Variants in DBI observed in about 807,000 individuals in gnomAD.
DBI encodes acyl-CoA-binding protein.
Under a neutral mutation model 13.0 loss-of-function variants are expected in DBI, and 12 were observed. That is an observed-to-expected ratio of 0.92 (90% CI 0.59 to 1.49). DBI has a LOEUF of 1.49. Ranked by LOEUF, DBI falls within the 40% of genes most tolerant of loss-of-function variation. The pLI is 0.00. For missense variants in DBI, 95 were observed against 104.8 expected (o/e 0.91, Z 0.41); for synonymous variants, 37 against 37.4 (o/e 0.99, Z 0.04).
In DBI at chr2:119,367,164, C is replaced by G. The variant is rs963191002; in HGVS notation, c.9+104C>G. 7.1e-6 allele frequency: 11 copies of G among 1,551,242 alleles called. No homozygotes were observed. In the African/African-American group the frequency reaches 1.4e-4, roughly 19 times the overall value. ...TCTCGGGCTCTTTCCTTCCGTGCCC[C>G]TCACTTGCTCATGGGCCCATGCCTA... On this transcript the variant is annotated intron_variant, in intron 1 of 3. Transcript: ENST00000355857.
At chr2:119,367,825 C>T (rs1255843080) in intron 1 of DBI, 2 of 1,612,774 alleles carry the variant, frequency 1.2e-6, no homozygotes, top group East Asian at 4.5e-5. Flanking sequence ...CCGGTGGTGG[C>T]CAGGCAGTTG....
chr2:119,367,720 G>A lies in DBI; in HGVS notation c.10-468G>A, dbSNP rs771495324. The A allele has an allele frequency of 3.1e-6, 5 of 1,609,922 alleles. No homozygotes were observed. In the African/African-American group the frequency reaches 6.7e-5, roughly 22 times the overall value. On this transcript the variant is annotated intron_variant, in intron 1 of 3. Coordinates refer to ENST00000355857, the MANE Select transcript of DBI (RefSeq NM_001079862.4). ...CCGGCGCTGACACCGCGGCACTCATGCCCTGTCCCCTTTCAGCTGTTTCCA... is the reference window on the plus strand; with the variant it reads ...CCGGCGCTGACACCGCGGCACTCATACCCTGTCCCCTTTCAGCTGTTTCCA...
In DBI at chr2:119,368,265, T is replaced by C. The variant is rs1030303472; in HGVS notation, c.87T>C (p.Tyr29=). Residue 29 remains tyrosine, a synonymous_variant, in exon 2 of 4, where the codon TAT becomes TAC. Transcript: ENST00000355857. ...KPSDEEMLFI[Y]GHYKQATVGD... ...CGGATGAGGAGATGCTGTTCATCTA[T>C]GGCCACTACAAACAAGCAACTGTGG... 1 of 1,614,038 alleles carries C rather than the reference T, an allele frequency of 6.2e-7. No homozygotes were observed. The highest frequency in any genetic ancestry group is 8.5e-7 in the Non-Finnish European group (1 of 1,180,016).
Position 119,372,505 on chromosome 2 carries a change from T to C in DBI, c.*187T>C. ...ATTACTGACTTTCCTTGAGTAGTTTTTATCTGAAATCAATTAAAAGTGTAT... is the reference window on the plus strand; with the variant it reads ...ATTACTGACTTTCCTTGAGTAGTTTCTATCTGAAATCAATTAAAAGTGTAT... On this transcript the variant is annotated 3_prime_UTR_variant, in exon 4 of 4. Coordinates refer to ENST00000355857, the MANE Select transcript of DBI (RefSeq NM_001079862.4). 2.0e-6 allele frequency: 1 copy of C among 502,570 alleles called. No homozygotes were observed. The highest frequency in any genetic ancestry group is 3.6e-6 in the Non-Finnish European group (1 of 278,444). The allele number at this position is 502,570 out of a possible 1,614,324, so 31.1% of individuals were successfully genotyped here. A position where few individuals can be genotyped will look rare whatever the true frequency, so the allele number is the denominator to read the frequency against.
chr2:119,367,254 G>T, intron 1 of DBI, 194 bp downstream of exon 1: 1 of 1,437,018 alleles, frequency 7.0e-7, no homozygotes, highest in South Asian at 1.5e-5. Context: ...TAAATCTGCT[G>T]CCCACCCCGC....
chr2:119,366,986 T>C lies in DBI; in HGVS notation c.-66T>C. 2 of 1,608,092 alleles carry C rather than the reference T, an allele frequency of 1.2e-6. No homozygotes were observed. The highest frequency in any genetic ancestry group is 1.7e-6 in the Non-Finnish European group (2 of 1,175,354). ...TCTAAAGGCGCTTGCCAGTGCAATC[T>C]GGGCGATCGCTTCCTGGTCCTCGCC... On this transcript the variant is annotated 5_prime_UTR_variant, in exon 1 of 4. Transcript: ENST00000355857.
rs113207893 is a variant in DBI at position 119,372,426 on chromosome 2, C to T, written c.*108C>T. ...GAATTCGGGAAAATAACCAGTTAAA[C>T]CAGCTACTCAAGGCTGCTCACCATA... On this transcript the variant is annotated 3_prime_UTR_variant, in exon 4 of 4. Transcript: ENST00000355857. 1.6e-5 allele frequency: 13 copies of T among 834,658 alleles called. 1 individual carries two copies. In the African/African-American group the frequency reaches 1.7e-4, roughly 11 times the overall value. 51.7% of individuals were successfully genotyped at this position (834,658 alleles called of 1,614,324 possible). A position where few individuals can be genotyped will look rare whatever the true frequency, so the allele number is the denominator to read the frequency against.
At chr2:119,371,914 A>G (rs1450020596) in intron 3 of DBI, among the ~76,000 whole-genome samples, 2 of 152,220 alleles carry the variant, frequency 1.3e-5, no homozygotes, top group African/African-American at 4.8e-5. Flanking sequence ...AGTCACCACG[A>G]TGACAGTTTC....
chr2:119,368,011 T>A, intron 1 of DBI, 177 bp from the exon 2 acceptor site: 1 of 1,601,648 alleles, frequency 6.2e-7, no homozygotes, highest in Non-Finnish European at 8.6e-7. Flanking sequence ...TGAATCTTTC[T>A]AGCTGCCCTG....
chr2:119,372,166 G>C (rs1246014085), intron 3 of DBI, 79 bp from the exon 4 acceptor site: 1 of 1,014,462 alleles, frequency 9.9e-7, no homozygotes, highest in Non-Finnish European at 1.6e-6. Flanking sequence ...AGTTACAGCA[G>C]AGCTGCCTGG....
rs1681068626 is a variant in DBI, at chr2:119,367,179, G to A, written c.9+119G>A. 6 of 1,521,254 alleles carry A rather than the reference G, an allele frequency of 3.9e-6. No homozygotes were observed. In the South Asian group the frequency reaches 6.3e-5, roughly 16 times the overall value. The allele number at this position is 1,521,254 out of a possible 1,614,324, so 94.2% of individuals were successfully genotyped here. On this transcript the variant is annotated intron_variant, in intron 1 of 3. Coordinates refer to ENST00000355857, the MANE Select transcript of DBI (RefSeq NM_001079862.4). ...TTCCGTGCCCCTCACTTGCTCATGGGCCCATGCCTAGCCCTGATTCGTTGG... is the reference window on the plus strand; with the variant it reads ...TTCCGTGCCCCTCACTTGCTCATGGACCCATGCCTAGCCCTGATTCGTTGG...
At chr2:119,367,339 G>A (rs1681087652) in intron 1 of DBI, 2 of 1,439,082 alleles carry the variant, frequency 1.4e-6, no homozygotes, top group Non-Finnish European at 1.8e-6. Flanking sequence ...GGTGCTTGAT[G>A]GAGAGATGGG....
chr2:119,369,088 A>T (rs527303555), intron 2 of DBI, among the ~76,000 whole-genome samples: 4 of 152,346 alleles, frequency 2.6e-5, no homozygotes, highest in Admixed American at 1.3e-4. Flanking sequence ...AGCAGGAAAT[A>T]GTACCCAGAA....
At chr2:119,367,128 C>T in intron 1 of DBI, 68 bp downstream of exon 1, 1 of 1,602,924 alleles carries the variant, frequency 6.2e-7, no homozygotes, top group Non-Finnish European at 8.5e-7. Flanking sequence ...GCTCAGCCGG[C>T]TGCCAGAAGC....
chr2:119,369,601 C>T (rs1272090148), intron 2 of DBI, among the ~76,000 whole-genome samples: 2 of 152,120 alleles, frequency 1.3e-5, no homozygotes, highest in African/African-American at 2.4e-5. Context: ...ACCTGGCTAA[C>T]GTAGTGAAAC....
chr2:119,370,371 G>T (rs1241647807), intron 2 of DBI: 1 of 159,690 alleles, frequency 6.3e-6, no homozygotes, highest in Non-Finnish European at 1.4e-5. Flanking sequence ...AACAGCAGGG[G>T]TGAGAGAGAA....
intron 3 of DBI, among the ~76,000 whole-genome samples, chr2:119,371,422 CCTT>C (rs1681508148): frequency 1.3e-5 from 2 of 152,172 alleles, no homozygotes; most frequent in Admixed American, 6.5e-5. Flanking sequence ...AGCCCTCTGT[CCTT>C]CTGCGAATGA....
At position 119,370,834 on chromosome 2, in the gene DBI, G is replaced by A. The variant is rs960195213; in HGVS notation, c.190+32G>A. 6 of 1,589,658 alleles carry A rather than the reference G, an allele frequency of 3.8e-6. No individual in the cohort carries two copies. The African/African-American group carries it at 8.1e-5, about 21-fold the overall frequency. On this transcript the variant is annotated intron_variant, in intron 3 of 3. Coordinates refer to ENST00000355857, the MANE Select transcript of DBI (RefSeq NM_001079862.4). ...GTTCTAATCAATTTCTCTCATTTGT[G>A]AAACCCAGTAGTGAAAGAGTCTTCA...
intron 3 of DBI, among the ~76,000 whole-genome samples, chr2:119,371,946 C>T (rs528310492): frequency 3.9e-5 from 6 of 152,316 alleles, no homozygotes; most frequent in South Asian, 2.1e-4. Context: ...GAGGGTGGCA[C>T]CTCTCTCCCA....
Sources: gnomAD v4.1 joint callset for allele counts (sites outside exome capture counted in the v4.1 genomes callset) on GRCh38, gnomAD v4.1.1 for gene constraint, MANE v1.5 for transcripts, NCBI Gene and HGNC (gene_info 2026-07-23, HGNC 2026-07-21) for gene names.